Variants in CIMAP1A observed in about 807,000 individuals in gnomAD.
CIMAP1A encodes the protein ciliary microtubule associated protein 1A.
At chr11:198,925 G>A in the CIMAP1A span, 2 of 1,204,446 alleles carry the variant, frequency 1.7e-6, no homozygotes, top group Non-Finnish European at 2.1e-6. Context: ...ATTTGGGGGA[G>A]GAGGGTCCTG....
the CIMAP1A span, chr11:198,002 G>A: frequency 1.0e-5 from 16 of 1,536,432 alleles, no homozygotes; most frequent in Non-Finnish European, 2.6e-6. Flanking sequence ...CACTCTCCCT[G>A]CTCAAAAATA....
chr11:198,450 C>G, the CIMAP1A span: 5 of 1,613,150 alleles, frequency 3.1e-6, no homozygotes, highest in Admixed American at 1.7e-5. Context: ...TGAGGCTCCA[C>G]GTCCACCCTG....
At chr11:199,462 G>A in the CIMAP1A span, 1 of 1,563,150 alleles carries the variant, frequency 6.4e-7, no homozygotes, top group Non-Finnish European at 8.7e-7. Context: ...GGAGCCCCCA[G>A]GGGACAAGAC....
At chr11:197,395 C>A in the CIMAP1A span, 1 of 1,601,692 alleles carries the variant, frequency 6.2e-7, no homozygotes. Flanking sequence ...ACCCAAGTAC[C>A]TGATTCCACC....
At chr11:197,170 G>GAGA in the CIMAP1A span, 1 of 471,840 alleles carries the variant, frequency 2.1e-6, no homozygotes, top group Non-Finnish European at 3.5e-6. Flanking sequence ...GATCCCCACT[G>GAGA]ATGCTGCAGC....
chr11:197,371 T>C, the CIMAP1A span: 1 of 1,599,238 alleles, frequency 6.3e-7, no homozygotes, highest in South Asian at 1.1e-5. Context: ...CATGGCCCTC[T>C]ACAGCAGCCC....
the CIMAP1A span, chr11:199,709 C>T: frequency 7.0e-7 from 1 of 1,435,446 alleles, no homozygotes; most frequent in East Asian, 2.5e-5. Context: ...CTGTACATTT[C>T]CAGCACTAGG....
At chr11:198,305 G>A in the CIMAP1A span, 283 of 1,613,770 alleles carry the variant, frequency 1.8e-4, no homozygotes, top group South Asian at 6.2e-4. Context: ...CCCCAGGTCC[G>A]CAGCAGCCCC....
At chr11:198,844 G>A in the CIMAP1A span, 1 of 1,352,610 alleles carries the variant, frequency 7.4e-7, no homozygotes, top group South Asian at 1.9e-5. Flanking sequence ...AGCACTGTCT[G>A]GAGAGAGAGA....
At chr11:197,799 C>T in the CIMAP1A span, 3 of 1,600,660 alleles carry the variant, frequency 1.9e-6, no homozygotes, top group East Asian at 4.5e-5. Flanking sequence ...CCTGCGCAGC[C>T]TCAGGCCTGC....
At chr11:198,603 T>C in the CIMAP1A span, 1 of 1,590,854 alleles carries the variant, frequency 6.3e-7, no homozygotes, top group Non-Finnish European at 8.6e-7. Context: ...CCACCCCAAC[T>C]GAGAACAGAG....
At chr11:198,294 A>T in the CIMAP1A span, 2 of 1,613,786 alleles carry the variant, frequency 1.2e-6, no homozygotes, top group Non-Finnish European at 1.7e-6. Flanking sequence ...AGTGGACAGC[A>T]CCCCAGGTCC....
the CIMAP1A span, chr11:197,857 G>A: frequency 1.3e-6 from 2 of 1,511,890 alleles, no homozygotes; most frequent in South Asian, 2.5e-5. Flanking sequence ...GGGTGTGGGA[G>A]AGCTCAGCCA....
At chr11:198,697 T>G in the CIMAP1A span, 7 of 1,504,786 alleles carry the variant, frequency 4.7e-6, no homozygotes, top group Non-Finnish European at 6.2e-6. Context: ...CTCAGCCCCC[T>G]CAGCCCTTCA....
At chr11:199,908 G>A in the CIMAP1A span, 5 of 1,611,334 alleles carry the variant, frequency 3.1e-6, no homozygotes, top group South Asian at 5.5e-5. Flanking sequence ...GTGGGGGCAG[G>A]GGTGCTGGTT....
chr11:196,947 T>G, the CIMAP1A span: 2 of 175,988 alleles, frequency 1.1e-5, no homozygotes, highest in Admixed American at 1.2e-4. Flanking sequence ...GGCGGCCCCC[T>G]CCCTGCCCCT....
chr11:197,366 C>A, the CIMAP1A span: 2 of 1,598,344 alleles, frequency 1.3e-6, no homozygotes, highest in South Asian at 1.1e-5. Flanking sequence ...CCCATCATGG[C>A]CCTCTACAGC....
the CIMAP1A span, chr11:199,418 T>C: frequency 1.9e-6 from 3 of 1,574,334 alleles, no homozygotes; most frequent in Non-Finnish European, 2.6e-6. Flanking sequence ...GTGACCAAGT[T>C]CAAGGCTCCG....
chr11:197,993 A>C, the CIMAP1A span: 1 of 1,535,402 alleles, frequency 6.5e-7, no homozygotes, highest in Non-Finnish European at 8.7e-7. Flanking sequence ...GTCAGACCCC[A>C]CTCTCCCTGC....
Sources: allele counts gnomAD v4.1 joint callset, GRCh38; gene constraint gnomAD v4.1.1; transcripts MANE v1.5; gene names NCBI Gene and HGNC (gene_info 2026-07-23, HGNC 2026-07-21).